The following SPTB variants were observed in gnomAD, a reference collection of about 807,000 sequenced individuals.
SPTB encodes spectrin beta, erythrocytic.
SPTB carries 45 observed loss-of-function variants against 256.2 expected under a neutral mutation model. The observed-to-expected ratio is 0.18, with a 90% CI of 0.14 to 0.23. The LOEUF is 0.23. Among genes scored for constraint, SPTB ranks in the 10% least tolerant of loss-of-function variants. SPTB has a pLI of 1.00. For synonymous variants in SPTB, 1,231 were observed against 1,243.1 expected, an observed-to-expected ratio of 0.99 and a Z score of 0.21; for missense variants, 2,715 against 3,040.4, an observed-to-expected ratio of 0.89 and a Z score of 2.52.
chr14:64,777,964 A>G lies in SPTB; in HGVS notation c.4563+1193T>C, dbSNP rs958566258. On this transcript the variant is annotated intron_variant, in intron 22 of 35. Transcript: ENST00000644917. This position sits in a 1 kb window ranked among gnomAD's most constrained non-coding sequence, Gnocchi z 4.5. Reference sequence around the variant, plus strand: ...ACAATAACACTTACAGAGGCTGCATAGAATCAAAAATCCTAGTGTTGGAAA... The same window carrying G: ...ACAATAACACTTACAGAGGCTGCATGGAATCAAAAATCCTAGTGTTGGAAA... 6.6e-6 allele frequency among the ~76,000 whole-genome samples: 1 copy of G among 152,194 alleles called. No individual in the cohort carries two copies. The highest frequency in any genetic ancestry group is 1.5e-5 in the Non-Finnish European group (1 of 68,040).
At chr14:64,876,240 C>T (rs1298688583) in intron 1 of SPTB, among the ~76,000 whole-genome samples, 6 of 152,136 alleles carry the variant, frequency 3.9e-5, no homozygotes, top group Non-Finnish European at 8.8e-5. Context: ...CGCCCAGGTT[C>T]GAGCAATTTT....
chr14:64,799,947 C>T lies in SPTB; in HGVS notation c.877-13G>A. 1.2e-6 allele frequency: 2 copies of T among 1,613,966 alleles called. No homozygotes were observed. Among genetic ancestry groups the T allele is most frequent in the Non-Finnish European group, 1.7e-6 (2 of 1,179,976 alleles). ...CATGGTCAATAACCTAAGGAATCAT[C>T]TTCTTACTTATTCTCATCAGAAGGG... On this transcript the variant is annotated splice_polypyrimidine_tract_variant and intron_variant, in intron 8 of 35. Transcript: ENST00000644917.
At chr14:64,837,257 C>T (rs1400556791) in intron 1 of SPTB, among the ~76,000 whole-genome samples, 1 of 152,194 alleles carries the variant, frequency 6.6e-6, no homozygotes, top group African/African-American at 2.4e-5. Flanking sequence ...AATTTTCCAA[C>T]CCTATTCTAG....
At position 64,786,746 on chromosome 14, in the gene SPTB, G is replaced by T. The variant is rs1269972919; in HGVS notation, c.3219C>A (p.Phe1073Leu). ...LQAFLQDLDD[F>L]QAWLSITQKA... ...TCTGGGTGATGGAGAGCCAGGCCTG[G>T]AAGTCATCCAGATCCTGCAGGAAGG... Residue 1073 changes from phenylalanine (F) to leucine (L), a missense_variant, in exon 16 of 36, where the codon TTC (phenylalanine) becomes TTA (leucine). By Grantham distance (22) the Phe-to-Leu change is conservative (BLOSUM62 0). Coordinates refer to ENST00000644917, the MANE Select transcript of SPTB (RefSeq NM_001355436.2). The surrounding 1 kb of genome is among the most constrained non-coding windows in gnomAD (Gnocchi z 5.6). 1 of 1,613,978 alleles carries T rather than the reference G, an allele frequency of 6.2e-7. No individual in the cohort carries two copies. The highest frequency in any genetic ancestry group is 8.5e-7 in the Non-Finnish European group (1 of 1,180,026).
rs1172946524 is a variant in SPTB, at chr14:64,786,377, C to T, written c.3561+27G>A. The T allele has an allele frequency of 1.4e-5, 23 of 1,613,610 alleles. No individual in the cohort carries two copies. The highest frequency in any genetic ancestry group is 1.9e-5 in the Non-Finnish European group (22 of 1,180,044). On this transcript the variant is annotated intron_variant, in intron 16 of 35. Transcript: ENST00000644917. The surrounding 1 kb of genome is among the most constrained non-coding windows in gnomAD (Gnocchi z 5.6). ...AGAGCTACTGCCCTGAGAGACCCGC[C>T]TGTCCCAGCCCTGAATGCCTCTCTA... is the stretch of plus-strand genomic sequence containing the variant.
chr14:64,826,492 T>G lies in SPTB; in HGVS notation c.-51-3347A>C, dbSNP rs1217665529. Among the ~76,000 whole-genome samples, 1 of 152,202 alleles carries G rather than the reference T, an allele frequency of 6.6e-6. No individual in the cohort carries two copies. The highest frequency in any genetic ancestry group is 2.4e-5 in the African/African-American group (1 of 41,440). On this transcript the variant is annotated intron_variant, in intron 1 of 35. Transcript: ENST00000644917. This position sits in a 1 kb window ranked among gnomAD's most constrained non-coding sequence, Gnocchi z 4.4. ...GAGATGAGATGATCTGGTCTCATTT[T>G]CAAAGATATAAGTCATCTGCACATC... is the stretch of plus-strand genomic sequence containing the variant.
Position 64,780,626 on chromosome 14 carries a change from T to TCCATGA in SPTB, c.4267-696_4267-695insTCATGG, listed in dbSNP as rs1341041943. Among the ~76,000 whole-genome samples, 7 of 152,352 alleles carry TCCATGA rather than the reference T, an allele frequency of 4.6e-5. No homozygotes were observed. The South Asian group carries it at 8.3e-4, about 18-fold the overall frequency. On this transcript the variant is annotated intron_variant, in intron 20 of 35. Coordinates refer to ENST00000644917, the MANE Select transcript of SPTB (RefSeq NM_001355436.2). ...CAAGGTTTCTCCATGTTGGTCAGGC[T>TCCATGA]GGTCTCGAACTCCTGACCTCAGGTG...
Position 64,786,311 on chromosome 14 carries a change from G to A in SPTB, c.3561+93C>T. ...ATACAGAGTACAAGACAAGAGTAAT[G>A]TGGTCCCTGAGTCTTACAGCACATT... is the stretch of plus-strand genomic sequence containing the variant. On this transcript the variant is annotated intron_variant, in intron 16 of 35. Transcript: ENST00000644917. The surrounding 1 kb of genome is among the most constrained non-coding windows in gnomAD (Gnocchi z 5.6). The A allele has an allele frequency of 6.7e-7, 1 of 1,499,536 alleles. No homozygotes were observed. Among genetic ancestry groups the A allele is most frequent in the Non-Finnish European group, 9.2e-7 (1 of 1,083,844 alleles). The allele number at this position is 1,499,536 out of a possible 1,614,324, so 92.9% of individuals were successfully genotyped here. A position where few individuals can be genotyped will look rare whatever the true frequency, so the allele number is the denominator to read the frequency against.
chr14:64,866,143 A>T lies in SPTB; in HGVS notation c.-52+13649T>A, dbSNP rs1277310377. Among the ~76,000 whole-genome samples the T allele has an allele frequency of 6.6e-6, 1 of 152,244 alleles. No homozygotes were observed. The highest frequency in any genetic ancestry group is 1.9e-4 in the East Asian group (1 of 5,194). On this transcript the variant is annotated intron_variant, in intron 1 of 35. Coordinates refer to ENST00000644917, the MANE Select transcript of SPTB (RefSeq NM_001355436.2). This position sits in a 1 kb window ranked among gnomAD's most constrained non-coding sequence, Gnocchi z 4.6. ...GCATGCAGTGAGGCCACTAACTAGT[A>T]GTCAGCCTACTGGTGACCTTCACTA...
In SPTB at chr14:64,766,603, G is replaced by A. The variant is rs373134965; in HGVS notation, c.6345+123C>T. On this transcript the variant is annotated intron_variant, in intron 32 of 35. Coordinates refer to ENST00000644917, the MANE Select transcript of SPTB (RefSeq NM_001355436.2). ...CTGGGAGGTGGCTGCAGGGATGTGG[G>A]GAGGATGGAGGGCGGGGCTGCGCCA... 5 of 1,606,824 alleles carry A rather than the reference G, an allele frequency of 3.1e-6. No individual in the cohort carries two copies. The East Asian group carries it at 8.9e-5, about 29-fold the overall frequency.
rs75628154 is a variant in SPTB at position 64,776,089 on chromosome 14, T to C, written c.4564-686A>G. Among the ~76,000 whole-genome samples the C allele has an allele frequency of 4.5e-3, 684 of 152,312 alleles. 5 individuals carry two copies. The highest frequency in any genetic ancestry group is 0.013 in the South Asian group (63 of 4,824). ...GCCCTGACACGTGTTACTTGTTTTC[T>C]GGGTCCTAAAGACTGGGCTAGCTGC... On this transcript the variant is annotated intron_variant, in intron 22 of 35. Transcript: ENST00000644917.
At position 64,825,019 on chromosome 14, in the gene SPTB, C is replaced by G. The variant is rs147057052; in HGVS notation, c.-51-1874G>C. Among the ~76,000 whole-genome samples, 916 of 152,202 alleles carry G rather than the reference C, an allele frequency of 6.0e-3. 8 individuals are homozygous for G. The highest frequency in any genetic ancestry group is 0.055 in the South Asian group (264 of 4,818). Reference sequence around the variant, plus strand: ...GCTGGGACCAAAGGCCAAACTGGAGCGCAGTTTATCCCCCTTGACCAGACG... The same window carrying G: ...GCTGGGACCAAAGGCCAAACTGGAGGGCAGTTTATCCCCCTTGACCAGACG... On this transcript the variant is annotated intron_variant, in intron 1 of 35. Coordinates refer to ENST00000644917, the MANE Select transcript of SPTB (RefSeq NM_001355436.2). The surrounding 1 kb of genome is among the most constrained non-coding windows in gnomAD (Gnocchi z 4.8).
intron 1 of SPTB, among the ~76,000 whole-genome samples, chr14:64,830,749 C>A (rs1424528290): frequency 6.6e-6 from 1 of 152,142 alleles, no homozygotes; most frequent in Non-Finnish European, 1.5e-5. Context: ...ACCCTGTAAG[C>A]TTTCAGCAGT....
rs2081864866 is a variant in SPTB at position 64,747,470 on chromosome 14, G to A, written c.*1836C>T. Reference sequence around the variant, plus strand: ...GTCATATGTACCAAAGCCAAATGAAGACCTTGCTCACCAGGGCGGGAACCT... The same window carrying A: ...GTCATATGTACCAAAGCCAAATGAAAACCTTGCTCACCAGGGCGGGAACCT... On this transcript the variant is annotated 3_prime_UTR_variant, in exon 36 of 36. Coordinates refer to ENST00000644917, the MANE Select transcript of SPTB (RefSeq NM_001355436.2). 1 of 152,662 alleles carries A rather than the reference G, an allele frequency of 6.6e-6. No individual in the cohort carries two copies. The highest frequency in any genetic ancestry group is 6.5e-5 in the Admixed American group (1 of 15,286). The allele number at this position is 152,662 out of a possible 1,614,324, so 9.5% of individuals were successfully genotyped here.
chr14:64,782,805 T>G (rs987179117), intron 19 of SPTB, among the ~76,000 whole-genome samples: 2 of 140,210 alleles, frequency 1.4e-5, no homozygotes, highest in Non-Finnish European at 3.0e-5. Context: ...ATTAACACAA[T>G]AGTTGATGAG....
rs998694450 is a variant in SPTB at position 64,802,688 on chromosome 14, A to G, written c.475-371T>C. Among the ~76,000 whole-genome samples the G allele has an allele frequency of 2.0e-5, 3 of 152,180 alleles. No individual in the cohort carries two copies. The highest frequency in any genetic ancestry group is 2.9e-5 in the Non-Finnish European group (2 of 68,042). On this transcript the variant is annotated intron_variant, in intron 4 of 35. Coordinates refer to ENST00000644917, the MANE Select transcript of SPTB (RefSeq NM_001355436.2). This position sits in a 1 kb window ranked among gnomAD's most constrained non-coding sequence, Gnocchi z 5.1. ...GCTAGGCCTGAGGACACACAGAGGTAAAACAAATTTCTTGCCCTCAAGGAG... is the reference window on the plus strand; with the variant it reads ...GCTAGGCCTGAGGACACACAGAGGTGAAACAAATTTCTTGCCCTCAAGGAG...
intron 1 of SPTB, among the ~76,000 whole-genome samples, chr14:64,858,424 C>T (rs546702422): frequency 2.0e-5 from 3 of 152,250 alleles, no homozygotes; most frequent in African/African-American, 7.2e-5. Flanking sequence ...TCTAGAGAAA[C>T]TAGAAATTCG....
intron 1 of SPTB, among the ~76,000 whole-genome samples, chr14:64,838,575 G>C (rs1566795882): frequency 6.6e-6 from 1 of 151,964 alleles, no homozygotes; most frequent in Non-Finnish European, 1.5e-5. Flanking sequence ...ATGAGCAAAA[G>C]ATTTGTACAG....
chr14:64,767,843 C>G lies in SPTB; in HGVS notation c.6039G>C (p.Gln2013His), dbSNP rs1413431965. The G allele has an allele frequency of 1.2e-6, 2 of 1,614,004 alleles. No individual in the cohort carries two copies. Among genetic ancestry groups the G allele is most frequent in the East Asian group, 2.2e-5 (1 of 44,884 alleles). Reference protein sequence around the residue: ...ERLRMLLEVCQFSRDASVAEA... With the variant: ...ERLRMLLEVCHFSRDASVAEA... ...CAGCCACAGAGGCATCCCTCGAGAA[C>G]TGGCACACCTCCAGCACTGCCAGGG... Residue 2013 changes from glutamine to histidine, a missense_variant, in exon 30 of 36, where the codon CAG becomes CAC. Physicochemically the swap from Gln to His is conservative, Grantham distance 24. Coordinates refer to ENST00000644917, the MANE Select transcript of SPTB (RefSeq NM_001355436.2).
Sources: allele counts gnomAD v4.1 joint callset (sites outside exome capture counted in the v4.1 genomes callset), GRCh38; gene constraint gnomAD v4.1.1; non-coding constraint Gnocchi (gnomAD v3.1); transcripts MANE v1.5; gene names NCBI Gene and HGNC (gene_info 2026-07-23, HGNC 2026-07-21).